Variants in NCF2 observed in about 807,000 individuals in gnomAD.
NCF2 encodes the protein neutrophil cytosolic factor 2, also known as neutrophil cytosol factor 2.
Under a neutral mutation model 70.9 loss-of-function variants are expected in NCF2, and 45 were observed. The observed-to-expected ratio is 0.63, with a 90% CI of 0.50 to 0.81. The LOEUF is 0.81. Among genes scored for constraint, NCF2 ranks in the 40% least tolerant of loss-of-function variants. The probability of loss-of-function intolerance (pLI) is 0.00; values close to 1 mark genes in which losing one functional copy is unlikely to be tolerated. For missense variants in NCF2, 522 were observed against 631.6 expected (o/e 0.83, Z 1.86); for synonymous variants, 203 against 233.6 (o/e 0.87, Z 1.19).
chr1:183,576,583 C>T (rs914936847), intron 3 of NCF2, among the ~76,000 whole-genome samples: 1 of 152,218 alleles, frequency 6.6e-6, no homozygotes, highest in Non-Finnish European at 1.5e-5. Context: ...TCTGGTCCAA[C>T]ATATTAACAG....
chr1:183,601,620 G>A, the NCF2 span, among the ~76,000 whole-genome samples: 1 of 152,140 alleles, frequency 6.6e-6, no homozygotes, highest in African/African-American at 2.4e-5. Flanking sequence ...CACTTTGGGA[G>A]GTTGAGGCGG....
chr1:183,591,989 C>T (rs1451312021), upstream of NCF2, among the ~76,000 whole-genome samples: 1 of 152,080 alleles, frequency 6.6e-6, no homozygotes, highest in Non-Finnish European at 1.5e-5. Context: ...CTTGCTTTTC[C>T]AGAAAAGTAA....
At chr1:183,590,864 G>C (rs1037407394), upstream of NCF2, 9 of 174,606 alleles carry the variant, frequency 5.2e-5, no homozygotes, top group African/African-American at 2.1e-4. Flanking sequence ...CAGCCTGAAG[G>C]CTGAAAGACT....
chr1:183,560,301 T>C lies in NCF2; in HGVS notation c.1291-28A>G. 1.9e-6 allele frequency: 3 copies of C among 1,613,554 alleles called. No individual in the cohort carries two copies. In the South Asian group the frequency reaches 3.3e-5, roughly 18 times the overall value. On this transcript the variant is annotated intron_variant, in intron 13 of 14. Coordinates refer to ENST00000367535, the MANE Select transcript of NCF2 (RefSeq NM_000433.4). The stretch of plus-strand genomic sequence containing the variant: ...GAAATAATAAAGGGCCTGTTAATTT[T>C]CCCAATTTCCTGCCAAGTGAACACT...
intron 14 of NCF2, among the ~76,000 whole-genome samples, chr1:183,559,850 C>T (rs1192748482): frequency 1.3e-5 from 2 of 152,134 alleles, no homozygotes; most frequent in African/African-American, 4.8e-5. Flanking sequence ...CAGAGGGGGA[C>T]TCTGTCTCAA....
At chr1:183,579,508 C>T (rs3929721) in intron 2 of NCF2, among the ~76,000 whole-genome samples, 15,953 of 151,830 alleles carry the variant, frequency 0.11, 882 homozygotes, top group Admixed American at 0.15. Flanking sequence ...GGGTGGATCA[C>T]GAGGTCAGGA....
At position 183,574,639 on chromosome 1, in the gene NCF2, G is replaced by T; in HGVS notation, c.367-18C>A. ...TATAACACCTAGAAAAGTACAGACCGCAACATAAAACTTGAGACTACTCCA... is the reference window on the plus strand; with the variant it reads ...TATAACACCTAGAAAAGTACAGACCTCAACATAAAACTTGAGACTACTCCA... On this transcript the variant is annotated intron_variant, in intron 3 of 14. Transcript: ENST00000367535. 1 of 1,613,848 alleles carries T rather than the reference G, an allele frequency of 6.2e-7. No homozygotes were observed. Among genetic ancestry groups the T allele is most frequent in the Non-Finnish European group, 8.5e-7 (1 of 1,179,830 alleles).
Position 183,556,231 on chromosome 1 carries a change from C to CTGA in NCF2, c.1469-4_1469-2dup. Reference sequence around the variant, plus strand: ...TCCCCTTCCAGCCATTCTTCATTCACTGATAAAAGGAAAAGTACACATGGA... The same window carrying CTGA: ...TCCCCTTCCAGCCATTCTTCATTCACTGATGATAAAAGGAAAAGTACACATGGA... On this transcript the variant is annotated splice_acceptor_variant, in intron 14 of 14. Coordinates refer to ENST00000367535, the MANE Select transcript of NCF2 (RefSeq NM_000433.4). LOFTEE classifies it high-confidence loss of function. The CTGA allele has an allele frequency of 3.1e-6, 5 of 1,613,120 alleles. No homozygotes were observed. Among genetic ancestry groups the CTGA allele is most frequent in the Non-Finnish European group, 4.2e-6 (5 of 1,179,094 alleles).
the NCF2 span, among the ~76,000 whole-genome samples, chr1:183,597,567 G>A: frequency 6.6e-6 from 1 of 152,162 alleles, no homozygotes; most frequent in Non-Finnish European, 1.5e-5. Context: ...CACCCAAATA[G>A]TGAACATAGT....
intron 2 of NCF2, among the ~76,000 whole-genome samples, chr1:183,580,418 A>T (rs910094295): frequency 6.6e-6 from 1 of 152,228 alleles, no homozygotes; most frequent in Non-Finnish European, 1.5e-5. Flanking sequence ...AGCCTCTTCC[A>T]TCGCGAAGAG....
the NCF2 span, among the ~76,000 whole-genome samples, chr1:183,599,402 TTTTCTTTCTTTCTTTCTTTCCTTC>T: frequency 4.0e-4 from 49 of 123,372 alleles, no homozygotes; most frequent in Non-Finnish European, 6.5e-4. Flanking sequence ...CCAAACCTCT[TTTTCTTTCTTTCTTTCTTTCCTTC>T]TTTCTTTCTT....
intron 1 of NCF2, 132 bp from the exon 2 acceptor site, chr1:183,587,109 C>A: frequency 2.4e-6 from 2 of 843,548 alleles, no homozygotes; most frequent in South Asian, 1.3e-5. Context: ...CACCTCGAGG[C>A]CCACCCTGTG....
intron 13 of NCF2, 99 bp downstream of exon 13, chr1:183,563,096 A>G: frequency 9.4e-7 from 1 of 1,069,120 alleles, no homozygotes. Context: ...CCAACACCAC[A>G]TATAGTGCCT....
intron 1 of NCF2, among the ~76,000 whole-genome samples, chr1:183,589,058 G>T (rs929207915): frequency 1.3e-5 from 2 of 152,204 alleles, no homozygotes. Context: ...CAGAGGTGGG[G>T]GGTCCTGCCA....
rs35847656 is a variant in NCF2, at chr1:183,588,206, A to T, written c.175-1229T>A. ...ATAATGATGTCAAACTTAAAGATAC[A>T]ATTCCTATCCAACACAACAGAGCAC... On this transcript the variant is annotated intron_variant, in intron 1 of 14. Coordinates refer to ENST00000367535, the MANE Select transcript of NCF2 (RefSeq NM_000433.4). Among the ~76,000 whole-genome samples, 1,204 of 152,350 alleles carry T rather than the reference A, an allele frequency of 7.9e-3. 20 individuals carry two copies. The highest frequency in any genetic ancestry group is 0.027 in the African/African-American group (1,128 of 41,566).
chr1:183,588,885 AGGC>A (rs1379770317), intron 1 of NCF2, among the ~76,000 whole-genome samples: 3 of 152,200 alleles, frequency 2.0e-5, no homozygotes, highest in Non-Finnish European at 4.4e-5. Flanking sequence ...CCAAGGCAGG[AGGC>A]TACAGTCCCT....
chr1:183,599,452 T>TTCTTTCTTTCTTTCTTTC, the NCF2 span, among the ~76,000 whole-genome samples: 100 of 133,514 alleles, frequency 7.5e-4, no homozygotes, highest in African/African-American at 2.8e-3. Flanking sequence ...CTTTCTTTCT[T>TTCTTTCTTTCTTTCTTTC]TCTTTCTTTC....
chr1:183,569,797 C>G (rs1672466758), intron 6 of NCF2, among the ~76,000 whole-genome samples: 1 of 152,128 alleles, frequency 6.6e-6, no homozygotes, highest in African/African-American at 2.4e-5. Flanking sequence ...ACCATGTTGG[C>G]CAGGCTGGTC....
intron 14 of NCF2, among the ~76,000 whole-genome samples, chr1:183,559,503 T>C (rs551698492): frequency 5.8e-4 from 89 of 152,324 alleles, no homozygotes; most frequent in Middle Eastern, 3.4e-3. Flanking sequence ...TCCAGCCCAA[T>C]TTGTTACCTC....
Sources: gnomAD v4.1 joint callset for allele counts (sites outside exome capture counted in the v4.1 genomes callset) on GRCh38, gnomAD v4.1.1 for gene constraint, MANE v1.5 for transcripts, NCBI Gene and HGNC (gene_info 2026-07-23, HGNC 2026-07-21) for gene names.